Variants in DDX60L observed in about 807,000 individuals in gnomAD.
DDX60L encodes the protein probable ATP-dependent RNA helicase DDX60-like.
DDX60L carries 191 observed loss-of-function variants against 211.6 expected under a neutral mutation model. That is an observed-to-expected ratio of 0.90 (90% CI 0.80 to 1.02). The LOEUF (loss-of-function observed/expected upper bound fraction) is 1.02, where lower values mean the gene tolerates loss of function less well. Ranked by LOEUF, DDX60L falls within the 50% of genes least tolerant of loss-of-function variation. The pLI, the probability that DDX60L is intolerant of heterozygous loss-of-function variation, is 0.00. For missense variants in DDX60L, 2,007 were observed against 1,984.1 expected, an observed-to-expected ratio of 1.01 and a Z score of -0.22; for synonymous variants, 706 against 694.1, an observed-to-expected ratio of 1.02 and a Z score of -0.27.
chr4:168,375,102 C>A (rs1741709887), intron 34 of DDX60L, among the ~76,000 whole-genome samples: 2 of 152,198 alleles, frequency 1.3e-5, no homozygotes, highest in African/African-American at 4.8e-5. Context: ...AGGCAACTTT[C>A]CATCAAAATG....
chr4:168,403,978 T>C lies in DDX60L; in HGVS notation c.3338+4A>G. The C allele has an allele frequency of 1.4e-6, 2 of 1,456,536 alleles. No homozygotes were observed. Among genetic ancestry groups the C allele is most frequent in the Non-Finnish European group, 1.8e-6 (2 of 1,088,308 alleles). The allele number at this position is 1,456,536 out of a possible 1,614,324, so 90.2% of individuals were successfully genotyped here. On this transcript the variant is annotated splice_donor_region_variant and intron_variant, in intron 25 of 37. Coordinates refer to ENST00000682922, the MANE Select transcript of DDX60L (RefSeq NM_001012967.3). ...CAAAGATAAATTAAGTTTCAGTTACTTACAAAAAAAATATTGCAGGCAACT... is the reference window on the plus strand; with the variant it reads ...CAAAGATAAATTAAGTTTCAGTTACCTACAAAAAAAATATTGCAGGCAACT...
chr4:168,443,771 CA>C (rs1754314150), intron 9 of DDX60L, among the ~76,000 whole-genome samples: 1 of 151,008 alleles, frequency 6.6e-6, no homozygotes. Context: ...CATATCCAGC[CA>C]AACTAAGCTT....
chr4:168,423,845 T>C lies in DDX60L; in HGVS notation c.1931-71A>G, dbSNP rs955501839. ...ACTGGTTGATCACTTACGACAATCA[T>C]TGAGTTAATCAATTAACCTCATGTG... On this transcript the variant is annotated intron_variant, in intron 14 of 37. Coordinates refer to ENST00000682922, the MANE Select transcript of DDX60L (RefSeq NM_001012967.3). 5.9e-6 allele frequency: 6 copies of C among 1,010,782 alleles called. No individual in the cohort carries two copies. In the African/African-American group the frequency reaches 6.7e-5, roughly 11 times the overall value. The allele number at this position is 1,010,782 out of a possible 1,614,324, so 62.6% of individuals were successfully genotyped here.
chr4:168,379,948 G>T, intron 30 of DDX60L, 118 bp from the exon 31 acceptor site: 5 of 616,008 alleles, frequency 8.1e-6, no homozygotes, highest in Non-Finnish European at 1.3e-5. Flanking sequence ...TTACGTGAAA[G>T]TAAATTTCAT....
At chr4:168,448,894 C>T (rs1755232705) in intron 8 of DDX60L, 115 bp from the exon 9 acceptor site, 1 of 870,432 alleles carries the variant, frequency 1.1e-6, no homozygotes, top group Non-Finnish European at 1.8e-6. Context: ...ATGATAAAGT[C>T]ATTACAATCA....
Position 168,441,390 on chromosome 4 carries a change from G to C in DDX60L, c.1241C>G (p.Pro414Arg). The change falls in exon 10 of 38, where the codon CCT (proline) becomes CGT (arginine). Residue 414 changes from proline to arginine, a missense_variant. Physicochemically the swap from Pro to Arg is moderately radical, Grantham distance 103 (BLOSUM62 -2). Transcript: ENST00000682922. ...VKEFNVGKSFPLRTTRRHFLR... is the reference protein window; with the variant it reads ...VKEFNVGKSFRLRTTRRHFLR... ...AAAATGTCTTCTTGTTGTTCTCAGA[G>C]GAAAAGACTTTCCAACGTTAAATTC... 1 of 1,612,466 alleles carries C rather than the reference G, an allele frequency of 6.2e-7. No homozygotes were observed. The highest frequency in any genetic ancestry group is 8.5e-7 in the Non-Finnish European group (1 of 1,179,234).
At chr4:168,411,815 C>A (rs556074738) in intron 22 of DDX60L, among the ~76,000 whole-genome samples, 103 of 152,082 alleles carry the variant, frequency 6.8e-4, no homozygotes, top group African/African-American at 2.5e-3. Flanking sequence ...CAGTGCAGCT[C>A]GCAGCTCTGA....
Position 168,471,931 on chromosome 4 carries a change from G to C in DDX60L, c.80C>G (p.Ser27Cys), listed in dbSNP as rs1758838369. 1 of 1,588,830 alleles carries C rather than the reference G, an allele frequency of 6.3e-7. No individual in the cohort carries two copies. The highest frequency in any genetic ancestry group is 8.6e-7 in the Non-Finnish European group (1 of 1,168,046). The change falls in exon 4 of 38, where the codon TCC (serine) becomes TGC (cysteine). Residue 27 changes from serine to cysteine, a missense_variant. Coordinates refer to ENST00000682922, the MANE Select transcript of DDX60L (RefSeq NM_001012967.3). ...ILNEMPKAGY[S>C]SILNDFVESN... is the part of the protein sequence containing the mutation. The stretch of plus-strand genomic sequence containing the variant: ...TTCCACAAAATCATTTAATATGCTG[G>C]AATACCTAAAATAAAAATCAAAGAG...
intron 17 of DDX60L, 22 bp from the exon 18 acceptor site, chr4:168,420,402 C>T: frequency 1.3e-6 from 2 of 1,585,092 alleles, no homozygotes; most frequent in Non-Finnish European, 8.6e-7. Context: ...GAAAAAAAAC[C>T]ATTAGTCACT....
chr4:168,399,579 C>G (rs894936021), intron 26 of DDX60L, among the ~76,000 whole-genome samples: 1 of 152,192 alleles, frequency 6.6e-6, no homozygotes, highest in African/African-American at 2.4e-5. Context: ...AGACCAGCAC[C>G]TGTATTTCAA....
chr4:168,361,384 C>A, intron 36 of DDX60L, 173 bp from the exon 37 acceptor site: 1 of 487,104 alleles, frequency 2.1e-6, no homozygotes, highest in Non-Finnish European at 3.7e-6. Context: ...AGGTAAAAAC[C>A]ACAAAAAAAA....
At chr4:168,417,221 A>G (rs1285178276) in intron 19 of DDX60L, among the ~76,000 whole-genome samples, 1 of 152,154 alleles carries the variant, frequency 6.6e-6, no homozygotes, top group East Asian at 1.9e-4. Flanking sequence ...TGTCCTCCCA[A>G]TGCATTTACA....
In DDX60L at chr4:168,379,112, G is replaced by A. The variant is rs571117075; in HGVS notation, c.4363+251C>T. Among the ~76,000 whole-genome samples the A allele has an allele frequency of 3.1e-4, 47 of 152,224 alleles. No homozygotes were observed. The South Asian group carries it at 5.8e-3, about 19-fold the overall frequency. ...ACTTATTGTCTTTCTATGCTTCTCC[G>A]TTTTCTCTTCTGCAAATATTCTTTA... On this transcript the variant is annotated intron_variant, in intron 32 of 37. Transcript: ENST00000682922.
chr4:168,378,450 C>A lies in DDX60L; in HGVS notation c.4389G>T (p.Val1463=). 1 of 1,576,210 alleles carries A rather than the reference C, an allele frequency of 6.3e-7. No individual in the cohort carries two copies. Among genetic ancestry groups the A allele is most frequent in the Non-Finnish European group, 8.6e-7 (1 of 1,158,842 alleles). ...WKGSQQFSQD[V]MEKLVLVLAN... is the part of the protein sequence containing the mutation. ...CCAATACTAACACGAGCTTTTCCATCACATCTTGGGAAAATTGTTGTGAGC... is the reference window on the plus strand; with the variant it reads ...CCAATACTAACACGAGCTTTTCCATAACATCTTGGGAAAATTGTTGTGAGC... The change falls in exon 33 of 38, where the codon GTG becomes GTT. Residue 1463 remains valine, a synonymous_variant. Transcript: ENST00000682922.
Position 168,405,838 on chromosome 4 carries a change from AAAAC to A in DDX60L, c.3213+108_3213+111del, listed in dbSNP as rs1157473714. The A allele has an allele frequency of 2.5e-6, 3 of 1,217,394 alleles. No individual in the cohort carries two copies. In the African/African-American group the frequency reaches 4.7e-5, roughly 19 times the overall value. 75.4% of individuals were successfully genotyped at this position (1,217,394 alleles called of 1,614,324 possible). ...GATAACATGTTTAAATGGAATTACT[AAAAC>A]AAAAATCGGAATAAAAAGATTACAA... On this transcript the variant is annotated intron_variant, in intron 24 of 37. Transcript: ENST00000682922.
chr4:168,421,899 A>C lies in DDX60L; in HGVS notation c.2255T>G (p.Leu752Arg), dbSNP rs764751034. Residue 752 changes from leucine to arginine, a missense_variant, in exon 17 of 38, where the codon CTG becomes CGG. Coordinates refer to ENST00000682922, the MANE Select transcript of DDX60L (RefSeq NM_001012967.3). ...TGACTCATTCTTATCTACCACATCCAGGAGTTCCTGCTGCAGGGTACAAAG... is the reference window on the plus strand; with the variant it reads ...TGACTCATTCTTATCTACCACATCCCGGAGTTCCTGCTGCAGGGTACAAAG... ...FIPNAWQQELLDVVDKNESAV... is the reference protein window; with the variant it reads ...FIPNAWQQELRDVVDKNESAV... 27 of 1,614,160 alleles carry C rather than the reference A, an allele frequency of 1.7e-5. No homozygotes were observed. The highest frequency in any genetic ancestry group is 2.2e-5 in the East Asian group (1 of 44,872).
intron 30 of DDX60L, chr4:168,380,521 G>C (rs1742745743): frequency 6.6e-6 from 1 of 152,096 alleles, no homozygotes; most frequent in African/African-American, 2.4e-5. Context: ...GTTTCCTGAG[G>C]CCTACCCAGA....
At chr4:168,406,855 G>T (rs1192642643) in intron 22 of DDX60L, 149 bp from the exon 23 acceptor site, 2 of 611,490 alleles carry the variant, frequency 3.3e-6, no homozygotes, top group Non-Finnish European at 2.8e-6. Flanking sequence ...TTTCACCTCT[G>T]CAAGGATCTG....
chr4:168,456,158 AAAAAAGAAATTTCTTC>A lies in DDX60L; in HGVS notation c.724-22_724-7del, dbSNP rs1457057998. 6.6e-7 allele frequency: 1 copy of A among 1,513,306 alleles called. No homozygotes were observed. The highest frequency in any genetic ancestry group is 2.5e-5 in the East Asian group (1 of 40,212). 93.7% of individuals were successfully genotyped at this position (1,513,306 alleles called of 1,614,324 possible). ...AGAAATAGAGTCTGATACGCCTATC[AAAAAAGAAATTTCTTC>A]AAATGTCAAATTATTTAGAAATATT... On this transcript the variant is annotated splice_polypyrimidine_tract_variant and splice_region_variant and intron_variant, in intron 6 of 37. Transcript: ENST00000682922.
Sources: gnomAD v4.1 joint callset for allele counts (sites outside exome capture counted in the v4.1 genomes callset) on GRCh38, gnomAD v4.1.1 for gene constraint, MANE v1.5 for transcripts, NCBI Gene and HGNC (gene_info 2026-07-23, HGNC 2026-07-21) for gene names.